Variants in MCF2L observed in about 807,000 individuals in gnomAD.
The protein encoded by MCF2L is guanine nucleotide exchange factor DBS.
Under a neutral mutation model 153.4 loss-of-function variants are expected in MCF2L, and 97 were observed. The ratio of observed to expected loss-of-function variants is 0.63; its 90% CI spans 0.54 to 0.75. The LOEUF (loss-of-function observed/expected upper bound fraction) is 0.75, where lower values mean the gene tolerates loss of function less well. Among genes scored for constraint, MCF2L ranks in the 30% least tolerant of loss-of-function variants. The pLI, the probability that MCF2L is intolerant of heterozygous loss-of-function variation, is 0.00. For missense variants in MCF2L, 1,347 were observed against 1,495.2 expected (o/e 0.90, Z 1.64); for synonymous variants, 659 against 632.2 (o/e 1.04, Z -0.64).
At chr13:112,897,089 A>T (rs571500401) in intron 1 of MCF2L, among the ~76,000 whole-genome samples, 92 of 152,318 alleles carry the variant, frequency 6.0e-4, no homozygotes, top group African/African-American at 2.1e-3. Context: ...AGCTGGAAGC[A>T]GCAGTGGCAC....
Position 112,905,246 on chromosome 13 carries a change from G to A in MCF2L, c.169+2875G>A, listed in dbSNP as rs928892043. Among the ~76,000 whole-genome samples the A allele has an allele frequency of 6.6e-5, 10 of 152,306 alleles. No homozygotes were observed. In the East Asian group the frequency reaches 1.7e-3, roughly 26 times the overall value. On this transcript the variant is annotated intron_variant, in intron 2 of 29. Transcript: ENST00000375608. ...GAGGAGAGGGGGTTTTATCCCTAAC[G>A]CAGCCAGTCCCTGCTACTGTGTCCA...
At chr13:113,015,904 G>A (rs2141207683) in intron 2 of MCF2L, among the ~76,000 whole-genome samples, 1 of 152,304 alleles carries the variant, frequency 6.6e-6, no homozygotes, top group African/African-American at 2.4e-5. Flanking sequence ...TGGCTCAAGA[G>A]AGGCGCCGTG....
In MCF2L at chr13:112,951,042, A is replaced by C. The variant is rs2140709845; in HGVS notation, c.169+48671A>C. ...GTACAAAAACAAACAATTCGCTTAG[A>C]AAATGGGCAACAGACATAGAGACAT... On this transcript the variant is annotated intron_variant, in intron 2 of 29. Transcript: ENST00000375608. The surrounding 1 kb of genome is among the most constrained non-coding windows in gnomAD (Gnocchi z 4.8). Among the ~76,000 whole-genome samples, 1 of 152,370 alleles carries C rather than the reference A, an allele frequency of 6.6e-6. No homozygotes were observed. Among genetic ancestry groups the C allele is most frequent in the Non-Finnish European group, 1.5e-5 (1 of 68,038 alleles).
chr13:113,099,213 AAC>A lies in MCF2L; in HGVS notation c.*2358_*2359del, dbSNP rs1254587352. The stretch of plus-strand genomic sequence containing the variant: ...ATAAGCCACTGACTATAAAGCTCAA[AAC>A]ACAGCAAAGTTGGCAGTCGGCAGAC... On this transcript the variant is annotated 3_prime_UTR_variant, in exon 30 of 30. Coordinates refer to ENST00000535094, the MANE Select transcript of MCF2L (RefSeq NM_001112732.3). 6.6e-6 allele frequency: 1 copy of A among 152,232 alleles called. No individual in the cohort carries two copies. Among genetic ancestry groups the A allele is most frequent in the Non-Finnish European group, 1.5e-5 (1 of 68,042 alleles). The allele number at this position is 152,232 out of a possible 1,614,324, so 9.4% of individuals were successfully genotyped here.
chr13:112,935,855 A>G (rs922622638), intron 2 of MCF2L, among the ~76,000 whole-genome samples: 4 of 152,172 alleles, frequency 2.6e-5, no homozygotes, highest in Admixed American at 2.6e-4. Context: ...AGACACAGGG[A>G]AAAGGCCGTG....
At chr13:112,958,139 A>G (rs1421597143) in intron 2 of MCF2L, 2 of 152,190 alleles carry the variant, frequency 1.3e-5, no homozygotes, top group South Asian at 4.1e-4. Flanking sequence ...ACAAATAAAG[A>G]CTTTCAGCTC....
intron 1 of MCF2L, among the ~76,000 whole-genome samples, chr13:112,994,301 G>C (rs2083024810): frequency 6.6e-6 from 1 of 151,438 alleles, no homozygotes; most frequent in South Asian, 2.1e-4. Context: ...CGCGGCGCGT[G>C]GGACGCCAAG....
chr13:112,971,393 G>A (rs1594413832), intron 1 of MCF2L, among the ~76,000 whole-genome samples: 1 of 152,174 alleles, frequency 6.6e-6, no homozygotes, highest in Non-Finnish European at 1.5e-5. Flanking sequence ...AAAGCTGATG[G>A]CAACAGGACA....
intron 1 of MCF2L, among the ~76,000 whole-genome samples, chr13:112,999,131 T>G (rs2083259145): frequency 6.6e-6 from 1 of 152,146 alleles, no homozygotes; most frequent in African/African-American, 2.4e-5. Context: ...TGTGAGCCAG[T>G]CCCTCCTGAA....
At chr13:113,033,081 A>T (rs1424820321) in intron 3 of MCF2L, among the ~76,000 whole-genome samples, 1 of 104,540 alleles carries the variant, frequency 9.6e-6, no homozygotes, top group Non-Finnish European at 1.9e-5. Flanking sequence ...ACATTAGTGG[A>T]CCCCGTGGCA....
chr13:113,082,562 A>C lies in MCF2L; in HGVS notation c.1991+20A>C. On this transcript the variant is annotated intron_variant, in intron 17 of 29. Coordinates refer to ENST00000535094, the MANE Select transcript of MCF2L (RefSeq NM_001112732.3). The stretch of plus-strand genomic sequence containing the variant: ...CAACAGGTGGGCCCTTCCCCCCGAC[A>C]CAGGCACGCACCCGTGATCTCTTGC... The C allele has an allele frequency of 2.0e-6, 3 of 1,487,012 alleles. No individual in the cohort carries two copies. Among genetic ancestry groups the C allele is most frequent in the Non-Finnish European group, 1.9e-6 (2 of 1,066,706 alleles). The allele number at this position is 1,487,012 out of a possible 1,614,324, so 92.1% of individuals were successfully genotyped here. A position where few individuals can be genotyped will look rare whatever the true frequency, so the allele number is the denominator to read the frequency against.
At chr13:113,044,093 T>C (rs2086659594) in intron 3 of MCF2L, 1 of 159,308 alleles carries the variant, frequency 6.3e-6, no homozygotes, top group South Asian at 1.8e-4. Flanking sequence ...TGAAATGGAG[T>C]CGCTGACTCG....
intron 1 of MCF2L, among the ~76,000 whole-genome samples, chr13:112,990,603 T>C (rs1159228038): frequency 2.0e-5 from 3 of 152,248 alleles, no homozygotes; most frequent in Admixed American, 6.5e-5. Flanking sequence ...TTCAGAGGAC[T>C]TTCCACGACT....
chr13:113,027,687 C>T lies in MCF2L; in HGVS notation c.278+2929C>T, dbSNP rs551070214. ...GGCTTGGTGGGGCAAGGCTGCGATG[C>T]TGCAGACGGTTTCCACACATTCCTC... is the stretch of plus-strand genomic sequence containing the variant. On this transcript the variant is annotated intron_variant, in intron 3 of 29. Coordinates refer to ENST00000535094, the MANE Select transcript of MCF2L (RefSeq NM_001112732.3). This position sits in a 1 kb window ranked among gnomAD's most constrained non-coding sequence, Gnocchi z 4.8. Among the ~76,000 whole-genome samples, 46 of 152,328 alleles carry T rather than the reference C, an allele frequency of 3.0e-4. No individual in the cohort carries two copies. The highest frequency in any genetic ancestry group is 1.4e-3 in the South Asian group (7 of 4,828).
chr13:112,909,474 G>A (rs1594308023), intron 2 of MCF2L: 1 of 591,308 alleles, frequency 1.7e-6, no homozygotes. Context: ...TTCGTCAGGA[G>A]CGCACTTGGG....
At chr13:113,021,945 G>A (rs2084910982) in intron 2 of MCF2L, among the ~76,000 whole-genome samples, 1 of 152,200 alleles carries the variant, frequency 6.6e-6, no homozygotes, top group East Asian at 1.9e-4. Context: ...AGGCTGTGCG[G>A]CCCAGGCCAG....
chr13:113,047,634 G>A (rs540405127), intron 4 of MCF2L, among the ~76,000 whole-genome samples: 7 of 152,234 alleles, frequency 4.6e-5, no homozygotes, highest in African/African-American at 7.2e-5. Context: ...TGTAGGAGTC[G>A]GCCTCCCTGC....
chr13:113,095,957 G>T (rs2035610915), intron 27 of MCF2L: 1 of 448,076 alleles, frequency 2.2e-6, no homozygotes, highest in Non-Finnish European at 3.4e-6. Flanking sequence ...TGGGGAGGTT[G>T]GGCAGGACAG....
At chr13:112,919,205 A>ATTT (rs11431408) in intron 2 of MCF2L, among the ~76,000 whole-genome samples, 29,038 of 125,466 alleles carry the variant, frequency 0.23, 4,204 homozygotes, top group South Asian at 0.28. Flanking sequence ...AAGAATTTGC[A>ATTT]TTTTTTTTTT....
Sources: allele counts gnomAD v4.1 joint callset (sites outside exome capture counted in the v4.1 genomes callset), GRCh38; gene constraint gnomAD v4.1.1; non-coding constraint Gnocchi (gnomAD v3.1); transcripts MANE v1.5; gene names NCBI Gene and HGNC (gene_info 2026-07-23, HGNC 2026-07-21).